Variants in MEGF10 observed in about 807,000 individuals in gnomAD.
The protein encoded by MEGF10 is multiple epidermal growth factor-like domains protein 10.
MEGF10 carries 86 observed loss-of-function variants against 147.5 expected under a neutral mutation model. The ratio of observed to expected loss-of-function variants is 0.58; its 90% CI spans 0.49 to 0.70. The LOEUF is 0.70. Among genes scored for constraint, MEGF10 ranks in the 30% least tolerant of loss-of-function variants. MEGF10 has a pLI of 0.00. For synonymous variants in MEGF10, 478 were observed against 525.5 expected, an observed-to-expected ratio of 0.91 and a Z score of 1.24; for missense variants, 1,329 against 1,487.3, an observed-to-expected ratio of 0.89 and a Z score of 1.75.
At chr5:127,351,035 T>C (rs1762068887) in intron 4 of MEGF10, among the ~76,000 whole-genome samples, 1 of 152,040 alleles carries the variant, frequency 6.6e-6, no homozygotes, top group Non-Finnish European at 1.5e-5. Flanking sequence ...ATGGGGATGG[T>C]TAATGGGTAG....
At position 127,438,342 on chromosome 5, in the gene MEGF10, T is replaced by A. The variant is rs145992973; in HGVS notation, c.2105-97T>A. The stretch of plus-strand genomic sequence containing the variant: ...TTAGTCCTGATGTACACTGCTAACC[T>A]CTCACATGCAGGGAGATGTGTAGAG... On this transcript the variant is annotated intron_variant, in intron 16 of 24. Transcript: ENST00000503335. The A allele has an allele frequency of 8.1e-5, 112 of 1,383,660 alleles. 1 individual carries two copies. In the African/African-American group the frequency reaches 1.4e-3, roughly 17 times the overall value. 85.7% of individuals were successfully genotyped at this position (1,383,660 alleles called of 1,614,324 possible).
At chr5:127,428,767 A>G (rs1488362048) in intron 13 of MEGF10, among the ~76,000 whole-genome samples, 2 of 152,236 alleles carry the variant, frequency 1.3e-5, no homozygotes, top group African/African-American at 4.8e-5. Context: ...GCAATTAAGT[A>G]AGACAAGGAT....
chr5:127,307,273 A>G (rs138870296), intron 1 of MEGF10, among the ~76,000 whole-genome samples: 25 of 152,244 alleles, frequency 1.6e-4, no homozygotes, highest in African/African-American at 5.8e-4. Context: ...AGACAAAGAG[A>G]TCAAAAAGTC....
chr5:127,306,831 A>G (rs1393852923), intron 1 of MEGF10, among the ~76,000 whole-genome samples: 1 of 152,192 alleles, frequency 6.6e-6, no homozygotes, highest in Admixed American at 6.5e-5. Flanking sequence ...TTTATCTTAA[A>G]GGTACTTTAT....
intron 4 of MEGF10, among the ~76,000 whole-genome samples, chr5:127,367,504 A>G (rs1762700281): frequency 6.6e-6 from 1 of 152,198 alleles, no homozygotes; most frequent in African/African-American, 2.4e-5. Context: ...GAACATTTAT[A>G]ACATTTCTTT....
At chr5:127,303,918 A>G (rs1362149562) in intron 1 of MEGF10, among the ~76,000 whole-genome samples, 2 of 152,234 alleles carry the variant, frequency 1.3e-5, no homozygotes, top group African/African-American at 2.4e-5. Flanking sequence ...TTTAATTGAG[A>G]AAATAAATGA....
chr5:127,339,524 A>G (rs991672472), intron 3 of MEGF10, among the ~76,000 whole-genome samples: 1 of 152,180 alleles, frequency 6.6e-6, no homozygotes, highest in African/African-American at 2.4e-5. Flanking sequence ...ACCTATGGAC[A>G]GCAGCAGATG....
intron 12 of MEGF10, 90 bp from the exon 13 acceptor site, chr5:127,422,580 T>C (rs1016739441): frequency 5.5e-6 from 5 of 915,864 alleles, no homozygotes; most frequent in Non-Finnish European, 9.0e-6. Flanking sequence ...CAGGGTACTG[T>C]ATGTGAAATG....
chr5:127,259,845 T>A, the MEGF10 span, among the ~76,000 whole-genome samples: 5 of 152,066 alleles, frequency 3.3e-5, no homozygotes, highest in Non-Finnish European at 5.9e-5. Context: ...TAAGTGAAAC[T>A]AGCTTATACT....
intron 1 of MEGF10, among the ~76,000 whole-genome samples, chr5:127,306,010 T>G (rs1759995585): frequency 6.6e-6 from 1 of 152,238 alleles, no homozygotes; most frequent in African/African-American, 2.4e-5. Context: ...TCTTTCTGAC[T>G]TTTTCTAGAG....
chr5:127,365,219 C>A (rs1180400357), intron 4 of MEGF10, among the ~76,000 whole-genome samples: 1 of 152,090 alleles, frequency 6.6e-6, no homozygotes, highest in East Asian at 1.9e-4. Context: ...AAACATTTTC[C>A]ATATTAATTT....
chr5:127,250,798 A>C, the MEGF10 span, among the ~76,000 whole-genome samples: 1 of 152,076 alleles, frequency 6.6e-6, no homozygotes, highest in South Asian at 2.1e-4. Context: ...TATTAGAATC[A>C]GTAAAATTCA....
chr5:127,328,608 C>T (rs1387290782), intron 1 of MEGF10, among the ~76,000 whole-genome samples: 1 of 152,168 alleles, frequency 6.6e-6, no homozygotes, highest in East Asian at 1.9e-4. Flanking sequence ...AACTCACAAC[C>T]TCTTTCTTGT....
At chr5:127,326,145 G>T (rs192066983) in intron 1 of MEGF10, among the ~76,000 whole-genome samples, 96 of 151,704 alleles carry the variant, frequency 6.3e-4, no homozygotes, top group Non-Finnish European at 1.1e-3. Context: ...AAACTCCTGG[G>T]CTCAAGTCAT....
At position 127,410,397 on chromosome 5, in the gene MEGF10, A is replaced by G. The variant is rs1764508104; in HGVS notation, c.926A>G (p.Asp309Gly). Residue 309 changes from aspartate to glycine, a missense_variant, in exon 9 of 25, where the codon GAT (aspartate) becomes GGT (glycine). Transcript: ENST00000503335. The part of the protein sequence containing the change: ...SPGYTGERCQ[D>G]ECPVGTYGVL... ...TGCCTCTTGCTTGGTAGGTGCCAGGATGAGTGTCCTGTTGGGACCTATGGC... is the reference window on the plus strand; with the variant it reads ...TGCCTCTTGCTTGGTAGGTGCCAGGGTGAGTGTCCTGTTGGGACCTATGGC... 1 of 1,614,084 alleles carries G rather than the reference A, an allele frequency of 6.2e-7. No individual in the cohort carries two copies. The highest frequency in any genetic ancestry group is 1.3e-5 in the African/African-American group (1 of 74,946).
the MEGF10 span, among the ~76,000 whole-genome samples, chr5:127,263,533 G>GA: frequency 6.6e-5 from 10 of 151,982 alleles, no homozygotes; most frequent in South Asian, 1.0e-3. Context: ...TAGTTGAAGG[G>GA]AAAAAAATAG....
chr5:127,434,657 G>A, intron 14 of MEGF10, 30 bp from the exon 15 acceptor site: 9 of 1,586,890 alleles, frequency 5.7e-6, no homozygotes, highest in Non-Finnish European at 7.7e-6. Flanking sequence ...ATCTCAGAAG[G>A]ATAACTGCTG....
intron 5 of MEGF10, 74 bp from the exon 6 acceptor site, chr5:127,396,458 A>C (rs1314194720): frequency 1.4e-6 from 2 of 1,470,386 alleles, no homozygotes; most frequent in South Asian, 2.9e-5. Flanking sequence ...TCACCAAGCC[A>C]TTCTCCCCGA....
the MEGF10 span, among the ~76,000 whole-genome samples, chr5:127,230,206 C>T: frequency 6.6e-6 from 1 of 152,112 alleles, no homozygotes; most frequent in Non-Finnish European, 1.5e-5. Context: ...AGCAGCCATT[C>T]CATCCCATTT....
Sources: allele counts gnomAD v4.1 joint callset (sites outside exome capture counted in the v4.1 genomes callset), GRCh38; gene constraint gnomAD v4.1.1; transcripts MANE v1.5; gene names NCBI Gene and HGNC (gene_info 2026-07-23, HGNC 2026-07-21).